The following PREP variants were observed in gnomAD, a reference collection of about 807,000 sequenced individuals.
The protein encoded by PREP is dJ355L5.1 (prolyl endopeptidase).
A neutral mutation model predicts 87.6 loss-of-function variants in PREP; 29 were observed. The observed-to-expected ratio is 0.33, with a 90% CI of 0.25 to 0.45. The LOEUF (loss-of-function observed/expected upper bound fraction) is 0.45. Among genes scored for constraint, PREP ranks in the 20% least tolerant of loss-of-function variants. The pLI, the probability that PREP is intolerant of heterozygous loss-of-function variation, is 1.00. For synonymous variants in PREP, 337 were observed against 328.6 expected (o/e 1.03, Z -0.28); for missense variants, 695 against 886.5 (o/e 0.78, Z 2.74).
chr6:105,383,563 C>A (rs1303805549), intron 2 of PREP, among the ~76,000 whole-genome samples: 1 of 152,144 alleles, frequency 6.6e-6, no homozygotes, highest in Non-Finnish European at 1.5e-5. Context: ...TCTCTGGGAC[C>A]ATCTGCTCTT....
intron 2 of PREP, among the ~76,000 whole-genome samples, chr6:105,388,698 G>C (rs1386228661): frequency 2.0e-5 from 3 of 152,192 alleles, no homozygotes; most frequent in Non-Finnish European, 4.4e-5. Flanking sequence ...TAAGACCTTA[G>C]AAGTCTTAGA....
At chr6:105,336,744 C>T (rs1771491330) in intron 7 of PREP, among the ~76,000 whole-genome samples, 2 of 152,156 alleles carry the variant, frequency 1.3e-5, no homozygotes, top group Non-Finnish European at 2.9e-5. Flanking sequence ...TTGTCTTCTG[C>T]AAAATGGTTT....
At position 105,384,783 on chromosome 6, in the gene PREP, C is replaced by T. The variant is rs180895646; in HGVS notation, c.121-7264G>A. Among the ~76,000 whole-genome samples the T allele has an allele frequency of 7.2e-4, 110 of 152,276 alleles. 1 individual carries two copies. The highest frequency in any genetic ancestry group is 2.6e-3 in the African/African-American group (107 of 41,560). On this transcript the variant is annotated intron_variant, in intron 2 of 14. Coordinates refer to ENST00000652536, the MANE Select transcript of PREP (RefSeq NM_002726.5). ...AAGGACTGTGAGAAACCCAAAGAGA[C>T]AAGACCCATCTTTCTCTGCCACACA...
At chr6:105,370,096 A>G (rs1772495936) in intron 5 of PREP, among the ~76,000 whole-genome samples, 1 of 152,048 alleles carries the variant, frequency 6.6e-6, no homozygotes. Context: ...TACTAAAAAT[A>G]CAAAAATTAG....
intron 7 of PREP, among the ~76,000 whole-genome samples, chr6:105,338,962 G>A (rs1005739350): frequency 1.3e-5 from 2 of 152,232 alleles, no homozygotes; most frequent in South Asian, 2.1e-4. Context: ...TGGGGGCAGG[G>A]CATAGCCGAA....
At position 105,307,905 on chromosome 6, in the gene PREP, G is replaced by A. The variant is rs570487464; in HGVS notation, c.1317+15760C>T. Among the ~76,000 whole-genome samples, 50 of 152,178 alleles carry A rather than the reference G, an allele frequency of 3.3e-4. No individual in the cohort carries two copies. The South Asian group carries it at 0.01, about 31-fold the overall frequency. On this transcript the variant is annotated intron_variant, in intron 10 of 14. Coordinates refer to ENST00000652536, the MANE Select transcript of PREP (RefSeq NM_002726.5). Reference sequence around the variant, plus strand: ...TGAGATTACAGGTGTGAGCCACTGCGCCCGGCCACACTCAGTCATTCTTAG... The same window carrying A: ...TGAGATTACAGGTGTGAGCCACTGCACCCGGCCACACTCAGTCATTCTTAG...
At position 105,332,174 on chromosome 6, in the gene PREP, C is replaced by A. The variant is rs532715968; in HGVS notation, c.1015+1140G>T. Reference sequence around the variant, plus strand: ...GGTGCCCAGGGGCTGAACAGACTCTCAAGAAAAACCCAGGAGTGCTTTCTT... The same window carrying A: ...GGTGCCCAGGGGCTGAACAGACTCTAAAGAAAAACCCAGGAGTGCTTTCTT... On this transcript the variant is annotated intron_variant, in intron 8 of 14. Transcript: ENST00000652536. Among the ~76,000 whole-genome samples, 70 of 152,120 alleles carry A rather than the reference C, an allele frequency of 4.6e-4. No individual in the cohort carries two copies. The South Asian group carries it at 0.014, about 30-fold the overall frequency.
At chr6:105,341,150 C>A (rs1339898468) in intron 7 of PREP, among the ~76,000 whole-genome samples, 1 of 152,188 alleles carries the variant, frequency 6.6e-6, no homozygotes, top group Admixed American at 6.5e-5. Flanking sequence ...AAGCACTCCC[C>A]AGCAAATGTA....
chr6:105,308,299 G>A (rs1256165873), intron 10 of PREP, among the ~76,000 whole-genome samples: 3 of 151,938 alleles, frequency 2.0e-5, no homozygotes, highest in African/African-American at 7.3e-5. Context: ...AACACAATAC[G>A]GAATGGGTCA....
At chr6:105,350,057 G>A (rs76449226) in intron 7 of PREP, among the ~76,000 whole-genome samples, 1 of 152,242 alleles carries the variant, frequency 6.6e-6, no homozygotes, top group East Asian at 1.9e-4. Context: ...TGGCTTTGCA[G>A]AAAACAAGTT....
intron 7 of PREP, among the ~76,000 whole-genome samples, chr6:105,348,541 G>A (rs1330865936): frequency 6.6e-6 from 1 of 152,112 alleles, no homozygotes; most frequent in Non-Finnish European, 1.5e-5. Flanking sequence ...ATCAGAATGG[G>A]GGAAAGGAGG....
intron 2 of PREP, among the ~76,000 whole-genome samples, chr6:105,383,174 C>T (rs1186150069): frequency 3.3e-5 from 5 of 150,980 alleles, no homozygotes; most frequent in East Asian, 1.9e-4. Flanking sequence ...TCAGGAAACA[C>T]GTCCAGAAAT....
chr6:105,374,059 T>C (rs1363841018), intron 4 of PREP, among the ~76,000 whole-genome samples: 1 of 152,186 alleles, frequency 6.6e-6, no homozygotes, highest in Admixed American at 6.5e-5. Flanking sequence ...CTAAAATCCC[T>C]TGTTACAGCC....
At chr6:105,397,259 A>G in intron 2 of PREP, among the ~76,000 whole-genome samples, 1 of 151,988 alleles carries the variant, frequency 6.6e-6, no homozygotes, top group South Asian at 2.1e-4. Flanking sequence ...TCTGTGGGAC[A>G]TAGGACTTAG....
At chr6:105,309,934 T>C (rs2114633756) in intron 10 of PREP, among the ~76,000 whole-genome samples, 1 of 152,318 alleles carries the variant, frequency 6.6e-6, no homozygotes, top group East Asian at 1.9e-4. Flanking sequence ...CATGCAACTT[T>C]TCATTGTCTG....
At chr6:105,283,312 T>C (rs1039104833) in intron 12 of PREP, among the ~76,000 whole-genome samples, 1 of 152,296 alleles carries the variant, frequency 6.6e-6, no homozygotes, top group Middle Eastern at 3.4e-3. Flanking sequence ...ACAAATTACT[T>C]GGAGAAACAT....
At chr6:105,321,425 T>C (rs1216686242) in intron 10 of PREP, among the ~76,000 whole-genome samples, 1 of 152,220 alleles carries the variant, frequency 6.6e-6, no homozygotes, top group Non-Finnish European at 1.5e-5. Flanking sequence ...CACAGGCACC[T>C]GGCAGCGCCG....
chr6:105,390,800 T>C (rs1369846506), intron 2 of PREP, among the ~76,000 whole-genome samples: 1 of 152,044 alleles, frequency 6.6e-6, no homozygotes, highest in Non-Finnish European at 1.5e-5. Flanking sequence ...AATTATGCAA[T>C]ATAGACTACC....
intron 10 of PREP, among the ~76,000 whole-genome samples, chr6:105,316,959 ATT>A (rs767753839): frequency 2.1e-4 from 30 of 139,570 alleles, no homozygotes; most frequent in Admixed American, 2.9e-4. Context: ...AGTCTAATTA[ATT>A]TTTTTTTTTT....
Sources: gnomAD v4.1 joint callset for allele counts (sites outside exome capture counted in the v4.1 genomes callset) on GRCh38, gnomAD v4.1.1 for gene constraint, MANE v1.5 for transcripts, NCBI Gene and HGNC (gene_info 2026-07-23, HGNC 2026-07-21) for gene names.